The following FAM222B variants were observed in gnomAD, a reference collection of about 807,000 sequenced individuals.
The protein encoded by FAM222B is protein FAM222B.
In FAM222B, 12 loss-of-function variants were observed where a neutral mutation model predicts 38.0. That is an observed-to-expected ratio of 0.32 (90% confidence interval 0.20 to 0.51). FAM222B has a LOEUF of 0.51. FAM222B is among the 20% of genes least tolerant of loss of function. The probability of loss-of-function intolerance (pLI) is 0.97; values close to 1 mark genes in which losing one functional copy is unlikely to be tolerated. For synonymous variants in FAM222B, 329 were observed against 317.2 expected, an observed-to-expected ratio of 1.04 and a Z score of -0.40; for missense variants, 716 against 754.2, an observed-to-expected ratio of 0.95 and a Z score of 0.59.
At chr17:28,777,219 T>A (rs1206734146) in intron 1 of FAM222B, 1 of 152,166 alleles carries the variant, frequency 6.6e-6, no homozygotes, top group East Asian at 1.9e-4. Context: ...TCTAGAAATA[T>A]ATCTGCCACA....
chr17:28,799,699 C>T (rs2037128401), intron 1 of FAM222B, among the ~76,000 whole-genome samples: 1 of 152,124 alleles, frequency 6.6e-6, no homozygotes, highest in South Asian at 2.1e-4. Flanking sequence ...CCTCAAACTC[C>T]TAGGCTCAAG....
chr17:28,769,559 A>C (rs1219729768), intron 1 of FAM222B, among the ~76,000 whole-genome samples: 1 of 152,198 alleles, frequency 6.6e-6, no homozygotes, highest in Non-Finnish European at 1.5e-5. Context: ...GGCCTCCCAA[A>C]GTGCTGGGAT....
At chr17:28,817,986 GAA>G (rs2038083188) in intron 1 of FAM222B, among the ~76,000 whole-genome samples, 1 of 152,116 alleles carries the variant, frequency 6.6e-6, no homozygotes, top group African/African-American at 2.4e-5. Context: ...TTCTATCTAT[GAA>G]AGTAGAAGCA....
chr17:28,761,720 G>A (rs549748096), intron 2 of FAM222B, among the ~76,000 whole-genome samples: 2 of 152,164 alleles, frequency 1.3e-5, no homozygotes, highest in East Asian at 3.9e-4. Flanking sequence ...AGCAGATCTG[G>A]GCAAAAAGAG....
chr17:28,818,897 A>C (rs1189376516), intron 1 of FAM222B, among the ~76,000 whole-genome samples: 1 of 152,256 alleles, frequency 6.6e-6, no homozygotes, highest in Non-Finnish European at 1.5e-5. Flanking sequence ...TGGCATCTTT[A>C]AATGCACAGC....
intron 1 of FAM222B, among the ~76,000 whole-genome samples, chr17:28,830,557 A>G (rs1426585669): frequency 6.6e-6 from 1 of 152,186 alleles, no homozygotes; most frequent in Non-Finnish European, 1.5e-5. Context: ...AGTCTTCTGC[A>G]AAGCAAAAGT....
At chr17:28,837,933 G>A (rs1173936634) in intron 1 of FAM222B, among the ~76,000 whole-genome samples, 1 of 152,122 alleles carries the variant, frequency 6.6e-6, no homozygotes, top group Non-Finnish European at 1.5e-5. Context: ...GATTACAGGA[G>A]TGAGCCAACA....
At chr17:28,850,542 C>T (rs1436852791) in intron 1 of FAM222B, among the ~76,000 whole-genome samples, 2 of 152,136 alleles carry the variant, frequency 1.3e-5, no homozygotes, top group African/African-American at 4.8e-5. Context: ...TTGTGATCCG[C>T]CCACCTCGGC....
intron 1 of FAM222B, among the ~76,000 whole-genome samples, chr17:28,841,489 C>T (rs944080264): frequency 6.6e-6 from 1 of 152,108 alleles, no homozygotes; most frequent in Admixed American, 6.6e-5. Flanking sequence ...ATTCCCCTGC[C>T]TCAGCTTCCC....
Position 28,759,712 on chromosome 17 carries a change from T to G in FAM222B, c.247A>C (p.Thr83Pro), listed in dbSNP as rs201634356. Residue 83 changes from threonine to proline, a missense_variant, in exon 3 of 3, where the codon ACA (threonine) becomes CCA (proline). Coordinates refer to ENST00000581407, the MANE Select transcript of FAM222B (RefSeq NM_001077498.3). This position sits in a 1 kb window ranked among gnomAD's most constrained non-coding sequence, Gnocchi z 4.8. ...TAGGGGCTGTAGCGCTGGGCTGATG[T>G]GTCGAGGCCGTTCACAGTACGACGA... ...HVRRTVNGLD[T>P]SAQRYSPYPT... 1 of 1,613,712 alleles carries G rather than the reference T, an allele frequency of 6.2e-7. No individual in the cohort carries two copies. The highest frequency in any genetic ancestry group is 8.5e-7 in the Non-Finnish European group (1 of 1,179,822).
intron 1 of FAM222B, among the ~76,000 whole-genome samples, chr17:28,810,073 T>C (rs1214024748): frequency 6.6e-6 from 1 of 152,116 alleles, no homozygotes; most frequent in Non-Finnish European, 1.5e-5. Context: ...CTTGGCTCAC[T>C]GCAACCTCTG....
chr17:28,786,930 A>C (rs1440568863), intron 1 of FAM222B, among the ~76,000 whole-genome samples: 1 of 111,130 alleles, frequency 9.0e-6, no homozygotes, highest in Non-Finnish European at 1.7e-5. Context: ...TTTGAGACAG[A>C]GTCTCGCTCT....
At chr17:28,769,840 T>C (rs1436690631) in intron 1 of FAM222B, among the ~76,000 whole-genome samples, 1 of 152,188 alleles carries the variant, frequency 6.6e-6, no homozygotes, top group Admixed American at 6.5e-5. Context: ...TAGGACTTTG[T>C]CCTTACCATT....
chr17:28,805,028 A>G lies in FAM222B; in HGVS notation c.-41+37654T>C, dbSNP rs189151136. 2.6e-5 allele frequency among the ~76,000 whole-genome samples: 4 copies of G among 151,814 alleles called. No homozygotes were observed. In the East Asian group the frequency reaches 5.9e-4, roughly 22 times the overall value. On this transcript the variant is annotated intron_variant, in intron 1 of 2. Transcript: ENST00000581407. ...GCCACTGCACTCTGGTCTGGGCGACAGAGCGAGACTCCATCTCAGGAAAAA... is the reference window on the plus strand; with the variant it reads ...GCCACTGCACTCTGGTCTGGGCGACGGAGCGAGACTCCATCTCAGGAAAAA...
intron 1 of FAM222B, among the ~76,000 whole-genome samples, chr17:28,802,223 G>A (rs1303527161): frequency 2.6e-5 from 4 of 151,790 alleles, no homozygotes; most frequent in Non-Finnish European, 4.4e-5. Context: ...TCAGCCTCCC[G>A]AGTAGCTGGG....
rs34396988 is a variant in FAM222B at position 28,786,894 on chromosome 17, ATTTTTTT to A, written c.-40-20194_-40-20188del. The stretch of plus-strand genomic sequence containing the variant: ...TAGCTAACACACTGCCCTTCACTGT[ATTTTTTT>A]TTTTTTTTTTTTTTTTTTTTTGAGA... On this transcript the variant is annotated intron_variant, in intron 1 of 2. Coordinates refer to ENST00000581407, the MANE Select transcript of FAM222B (RefSeq NM_001077498.3). Among the ~76,000 whole-genome samples the A allele has an allele frequency of 5.0e-4, 36 of 72,034 alleles. No individual in the cohort carries two copies. The East Asian group carries it at 7.9e-3, about 16-fold the overall frequency. 47.3% of individuals were successfully genotyped at this position (72,034 alleles called of 152,430 possible).
chr17:28,830,161 C>CCT (rs776559736), intron 1 of FAM222B, among the ~76,000 whole-genome samples: 2 of 101,520 alleles, frequency 2.0e-5, no homozygotes, highest in Non-Finnish European at 1.9e-5. Context: ...TTTATACATT[C>CCT]TTTTTTTTTT....
intron 1 of FAM222B, among the ~76,000 whole-genome samples, chr17:28,787,420 A>G (rs1347288355): frequency 6.6e-6 from 1 of 152,206 alleles, no homozygotes; most frequent in Non-Finnish European, 1.5e-5. Context: ...AAAGGCTTCT[A>G]TATAGCCTTA....
At position 28,758,842 on chromosome 17, in the gene FAM222B, G is replaced by A. The variant is rs368465145; in HGVS notation, c.1117C>T (p.Leu373=). 88 of 1,602,732 alleles carry A rather than the reference G, an allele frequency of 5.5e-5. 1 individual carries two copies. The highest frequency in any genetic ancestry group is 5.4e-4 in the East Asian group (24 of 44,406). ...VTWNQHQLAH[L]QQMCSEASGT... ...CTAGCCTCGCTGCACATCTGCTGTA[G>A]GTGGGCCAGCTGGTGCTGGTTCCAG... Residue 373 remains leucine (L), a synonymous_variant, in exon 3 of 3, where the codon CTA becomes TTA. Coordinates refer to ENST00000581407, the MANE Select transcript of FAM222B (RefSeq NM_001077498.3).
Sources: allele counts gnomAD v4.1 joint callset (sites outside exome capture counted in the v4.1 genomes callset), GRCh38; gene constraint gnomAD v4.1.1; non-coding constraint Gnocchi (gnomAD v3.1); transcripts MANE v1.5; gene names NCBI Gene and HGNC (gene_info 2026-07-23, HGNC 2026-07-21).